The following TMOD3 variants were observed in gnomAD, a reference collection of about 807,000 sequenced individuals.
TMOD3 encodes tropomodulin-3.
TMOD3 carries 20 observed loss-of-function variants against 39.2 expected under a neutral mutation model. The observed-to-expected ratio is 0.51, with a 90% CI of 0.36 to 0.74. The LOEUF is 0.74. Among genes scored for constraint, TMOD3 ranks in the 30% least tolerant of loss-of-function variants. The pLI is 0.00. For synonymous variants in TMOD3, 143 were observed against 145.8 expected (o/e 0.98, Z 0.14); for missense variants, 381 against 412.8 (o/e 0.92, Z 0.67).
rs1006693514 is a variant in TMOD3 at position 51,886,042 on chromosome 15, C to T, written c.284-1547C>T. 1.3e-4 allele frequency among the ~76,000 whole-genome samples: 19 copies of T among 151,394 alleles called. No homozygotes were observed. The East Asian group carries it at 3.5e-3, about 28-fold the overall frequency. ...CTTCCCAGACGGGGTGGCTGCCGGGCGGAGGGGCTCCTCACTTCTCAGACG... is the reference window on the plus strand; with the variant it reads ...CTTCCCAGACGGGGTGGCTGCCGGGTGGAGGGGCTCCTCACTTCTCAGACG... On this transcript the variant is annotated intron_variant, in intron 3 of 9. Transcript: ENST00000308580.
Position 51,915,134 on chromosome 15 carries a change from T to C in TMOD3, c.*6324T>C, listed in dbSNP as rs973702281. On this transcript the variant is annotated 3_prime_UTR_variant, in exon 10 of 10. Transcript: ENST00000308580. ...GTTTTAATTGATGCAAAGCAATTAA[T>C]TGGCCTAAAATGTTTCAAATATTAT... 6.6e-6 allele frequency: 1 copy of C among 152,112 alleles called. No homozygotes were observed. The highest frequency in any genetic ancestry group is 1.5e-5 in the Non-Finnish European group (1 of 68,010). 9.4% of individuals were successfully genotyped at this position (152,112 alleles called of 1,614,324 possible). A position where few individuals can be genotyped will look rare whatever the true frequency, so the allele number is the denominator to read the frequency against.
chr15:51,831,907 G>A (rs1181615731), intron 1 of TMOD3, among the ~76,000 whole-genome samples: 5 of 152,154 alleles, frequency 3.3e-5, no homozygotes, highest in Non-Finnish European at 5.9e-5. Flanking sequence ...CCAGGGCCGG[G>A]CCTGGTGGCT....
chr15:51,888,985 T>C (rs1412500276), intron 4 of TMOD3, 71 bp from the exon 5 acceptor site: 2 of 944,968 alleles, frequency 2.1e-6, no homozygotes, highest in Non-Finnish European at 3.2e-6. Context: ...TTAAAATTAT[T>C]GATAGAAATT....
At chr15:51,857,684 G>T (rs1423627041) in intron 1 of TMOD3, among the ~76,000 whole-genome samples, 1 of 151,740 alleles carries the variant, frequency 6.6e-6, no homozygotes, top group Non-Finnish European at 1.5e-5. Flanking sequence ...TATTCATTGA[G>T]AAAATTGGCT....
Position 51,908,959 on chromosome 15 carries a change from G to A in TMOD3, c.*149G>A, listed in dbSNP as rs929723443. ...TTTTTTTTTTAGTTGTTATCAAATT[G>A]TAAAATCAGTAATGTGATATTTTAT... On this transcript the variant is annotated 3_prime_UTR_variant, in exon 10 of 10. Coordinates refer to ENST00000308580, the MANE Select transcript of TMOD3 (RefSeq NM_014547.5). The A allele has an allele frequency of 4.4e-6, 2 of 458,272 alleles. No homozygotes were observed. The highest frequency in any genetic ancestry group is 4.1e-5 in the African/African-American group (2 of 49,350). The allele number at this position is 458,272 out of a possible 1,614,324, so 28.4% of individuals were successfully genotyped here.
chr15:51,857,433 G>A (rs534670852), intron 1 of TMOD3, among the ~76,000 whole-genome samples: 1 of 152,312 alleles, frequency 6.6e-6, no homozygotes, highest in South Asian at 2.1e-4. Flanking sequence ...GAGAAGCAAT[G>A]TATTGGAGTA....
chr15:51,891,718 A>G (rs1490389574), intron 5 of TMOD3, among the ~76,000 whole-genome samples: 3 of 152,214 alleles, frequency 2.0e-5, no homozygotes, highest in Non-Finnish European at 2.9e-5. Flanking sequence ...TTATAAAATT[A>G]GAACTATTCA....
intron 3 of TMOD3, among the ~76,000 whole-genome samples, chr15:51,882,128 C>A (rs543337026): frequency 3.1e-4 from 47 of 151,984 alleles, no homozygotes; most frequent in Non-Finnish European, 5.9e-4. Context: ...CTCCTAACCT[C>A]AGGTGATCCA....
intron 1 of TMOD3, among the ~76,000 whole-genome samples, chr15:51,837,185 C>T (rs188259799): frequency 2.9e-4 from 44 of 152,158 alleles, no homozygotes; most frequent in Non-Finnish European, 6.0e-4. Context: ...AGGGGATTTC[C>T]ATCCATGTGG....
intron 1 of TMOD3, among the ~76,000 whole-genome samples, chr15:51,832,064 C>T (rs1367168358): frequency 6.6e-6 from 1 of 151,340 alleles, no homozygotes; most frequent in Non-Finnish European, 1.5e-5. Flanking sequence ...GCCTGTAGTC[C>T]TAGCTACTCA....
intron 1 of TMOD3, among the ~76,000 whole-genome samples, chr15:51,830,720 TCTC>T (rs1226022886): frequency 2.0e-5 from 3 of 152,148 alleles, no homozygotes; most frequent in African/African-American, 7.2e-5. Context: ...GCAGCTCATG[TCTC>T]CTCTCCTTTT....
chr15:51,895,049 C>T (rs1280446037), intron 6 of TMOD3, among the ~76,000 whole-genome samples: 1 of 151,880 alleles, frequency 6.6e-6, no homozygotes, highest in East Asian at 1.9e-4. Context: ...TTATAAATTC[C>T]TCATTTTAAA....
intron 1 of TMOD3, among the ~76,000 whole-genome samples, chr15:51,841,420 A>T (rs539516845): frequency 1.5e-4 from 23 of 151,734 alleles, no homozygotes; most frequent in Non-Finnish European, 2.9e-4. Context: ...GCTCTCAGCA[A>T]CCTCCTCTCT....
At chr15:51,893,790 C>G in intron 5 of TMOD3, 25 bp from the exon 6 acceptor site, 1 of 1,482,626 alleles carries the variant, frequency 6.7e-7, no homozygotes. Flanking sequence ...GTATCAAATC[C>G]TGCTCTTTTC....
At chr15:51,834,019 A>G (rs138483697) in intron 1 of TMOD3, among the ~76,000 whole-genome samples, 38 of 152,068 alleles carry the variant, frequency 2.5e-4, no homozygotes, top group African/African-American at 8.4e-4. Context: ...TTTAATTTAC[A>G]TTTTTCTGAT....
intron 1 of TMOD3, among the ~76,000 whole-genome samples, chr15:51,844,834 T>G (rs1030138829): frequency 6.6e-6 from 1 of 152,220 alleles, no homozygotes; most frequent in Non-Finnish European, 1.5e-5. Context: ...TGGTGAGTTT[T>G]CAGGAAAGCA....
At chr15:51,883,983 C>G (rs1009072264) in intron 3 of TMOD3, among the ~76,000 whole-genome samples, 1 of 152,088 alleles carries the variant, frequency 6.6e-6, no homozygotes, top group African/African-American at 2.4e-5. Context: ...TACCTGTGAA[C>G]CAATAATAAA....
chr15:51,908,916 T>C lies in TMOD3; in HGVS notation c.*106T>C. The C allele has an allele frequency of 3.6e-6, 3 of 840,706 alleles. No individual in the cohort carries two copies. The highest frequency in any genetic ancestry group is 3.5e-5 in the African/African-American group (2 of 57,128). The allele number at this position is 840,706 out of a possible 1,614,324, so 52.1% of individuals were successfully genotyped here. A position where few individuals can be genotyped will look rare whatever the true frequency, so the allele number is the denominator to read the frequency against. ...GGTAGAAGGGAAAAGACTGGAAAAA[T>C]TTTTTTAGTGACATGCATTTTTTTT... is the stretch of plus-strand genomic sequence containing the variant. On this transcript the variant is annotated 3_prime_UTR_variant, in exon 10 of 10. Coordinates refer to ENST00000308580, the MANE Select transcript of TMOD3 (RefSeq NM_014547.5).
chr15:51,862,598 T>G (rs1171819115), intron 1 of TMOD3, among the ~76,000 whole-genome samples: 1 of 152,240 alleles, frequency 6.6e-6, no homozygotes, highest in Non-Finnish European at 1.5e-5. Flanking sequence ...ATTTGAATTT[T>G]GTTTTATCTT....
Sources: allele counts gnomAD v4.1 joint callset (sites outside exome capture counted in the v4.1 genomes callset), GRCh38; gene constraint gnomAD v4.1.1; transcripts MANE v1.5; gene names NCBI Gene and HGNC (gene_info 2026-07-23, HGNC 2026-07-21).